The following MEIS1 variants were observed in gnomAD, a reference collection of about 807,000 sequenced individuals.
MEIS1 encodes Meis homeobox 1.
In MEIS1, 5 loss-of-function variants were observed where a neutral mutation model predicts 50.8. The ratio of observed to expected loss-of-function variants is 0.10; its 90% confidence interval spans 0.05 to 0.21. MEIS1 has a LOEUF of 0.21. MEIS1 is among the 10% of genes least tolerant of loss of function. The probability of loss-of-function intolerance (pLI) is 1.00; values close to 1 mark genes in which losing one functional copy is unlikely to be tolerated. For missense variants in MEIS1, 318 were observed against 517.3 expected (o/e 0.61, Z 3.74); for synonymous variants, 176 against 179.3 (o/e 0.98, Z 0.15).
At chr2:66,472,444 C>G (rs1258402549) in intron 7 of MEIS1, among the ~76,000 whole-genome samples, 1 of 152,164 alleles carries the variant, frequency 6.6e-6, no homozygotes, top group Non-Finnish European at 1.5e-5. Flanking sequence ...ATAGATTAAG[C>G]ACTTACTGTG....
At chr2:66,463,098 G>A (rs894051456) in intron 6 of MEIS1, among the ~76,000 whole-genome samples, 6 of 151,604 alleles carry the variant, frequency 4.0e-5, no homozygotes, top group African/African-American at 1.5e-4. Context: ...CTTTGATTTC[G>A]CTAGGCATAC....
chr2:66,560,764 A>G (rs1675193355), intron 9 of MEIS1, among the ~76,000 whole-genome samples: 1 of 152,182 alleles, frequency 6.6e-6, no homozygotes, highest in African/African-American at 2.4e-5. Context: ...AAATTTCAAT[A>G]TTATGTTTAT....
At chr2:66,531,141 T>C (rs770483488) in intron 8 of MEIS1, among the ~76,000 whole-genome samples, 1 of 152,170 alleles carries the variant, frequency 6.6e-6, no homozygotes, top group Non-Finnish European at 1.5e-5. Flanking sequence ...TTTTTAGCAA[T>C]GGGAAGGAGA....
intron 7 of MEIS1, among the ~76,000 whole-genome samples, chr2:66,468,807 A>G (rs1672700848): frequency 2.0e-5 from 3 of 152,232 alleles, no homozygotes; most frequent in Non-Finnish European, 4.4e-5. Flanking sequence ...TCAGAGGGGT[A>G]ATGTTCTGTT....
intron 8 of MEIS1, among the ~76,000 whole-genome samples, chr2:66,530,949 A>G (rs920344061): frequency 1.3e-5 from 2 of 152,372 alleles, no homozygotes; most frequent in African/African-American, 4.8e-5. Flanking sequence ...AAAACCATGC[A>G]AATGCAGCTG....
At position 66,573,819 on chromosome 2, in the gene MEIS1, TAAC is replaced by T. The variant is rs1443509183; in HGVS notation, c.*2615_*2617del. On this transcript the variant is annotated 3_prime_UTR_variant, in exon 13 of 13. Transcript: ENST00000272369. Reference sequence around the variant, plus strand: ...CTTTTGATAGGTGGTTGCTAGCAGTTAACAACCATTTATTTACTTTAACAATTA... The same window carrying T: ...CTTTTGATAGGTGGTTGCTAGCAGTTAACCATTTATTTACTTTAACAATTA... 1.3e-5 allele frequency: 2 copies of T among 152,214 alleles called. No homozygotes were observed. The highest frequency in any genetic ancestry group is 1.9e-4 in the East Asian group (1 of 5,194). 9.4% of individuals were successfully genotyped at this position (152,214 alleles called of 1,614,324 possible).
chr2:66,544,415 A>G (rs1324293944), intron 8 of MEIS1, among the ~76,000 whole-genome samples: 4 of 152,206 alleles, frequency 2.6e-5, no homozygotes, highest in South Asian at 4.1e-4. Context: ...GATTAACTAC[A>G]TGAAGTCACG....
chr2:66,557,259 C>T (rs1440564980), intron 9 of MEIS1, among the ~76,000 whole-genome samples: 1 of 152,136 alleles, frequency 6.6e-6, no homozygotes, highest in African/African-American at 2.4e-5. Context: ...CTAGAATGTA[C>T]TTATTTTTAA....
rs114894549 is a variant in MEIS1 at position 66,437,001 on chromosome 2, T to C, written c.13-736T>C. On this transcript the variant is annotated intron_variant, in intron 1 of 12. Transcript: ENST00000272369. ...TGGAAACAAAGTTCATAAGAGTAAA[T>C]AAGAAAATAGAATATTAGCTGCTTC... is the stretch of plus-strand genomic sequence containing the variant. The C allele has an allele frequency of 5.6e-4, 529 of 948,436 alleles. No homozygotes were observed. The African/African-American group carries it at 8.9e-3, about 16-fold the overall frequency. 58.8% of individuals were successfully genotyped at this position (948,436 alleles called of 1,614,324 possible). A position where few individuals can be genotyped will look rare whatever the true frequency, so the allele number is the denominator to read the frequency against.
At chr2:66,554,781 A>G (rs1204515083) in intron 9 of MEIS1, among the ~76,000 whole-genome samples, 1 of 152,218 alleles carries the variant, frequency 6.6e-6, no homozygotes, top group Non-Finnish European at 1.5e-5. Flanking sequence ...AGGAAAAAAA[A>G]TACTTTGATA....
At chr2:66,534,168 C>CAT (rs142456824) in intron 8 of MEIS1, among the ~76,000 whole-genome samples, 35,602 of 152,040 alleles carry the variant, frequency 0.23, 5,108 homozygotes, top group Non-Finnish European at 0.33. Context: ...TGATCAAAGT[C>CAT]ATAGTTACTG....
chr2:66,484,420 A>G (rs1003629972), intron 7 of MEIS1, among the ~76,000 whole-genome samples: 1 of 152,196 alleles, frequency 6.6e-6, no homozygotes, highest in African/African-American at 2.4e-5. Flanking sequence ...CTCATGACAT[A>G]GCAAAGTGCT....
At chr2:66,570,436 T>C (rs1675457021) in intron 12 of MEIS1, 1 of 152,216 alleles carries the variant, frequency 6.6e-6, no homozygotes, top group African/African-American at 2.4e-5. Flanking sequence ...AGTTCAAAAA[T>C]GTTCCTTTAG....
At chr2:66,487,092 C>T (rs1339026148) in intron 7 of MEIS1, among the ~76,000 whole-genome samples, 2 of 152,192 alleles carry the variant, frequency 1.3e-5, no homozygotes, top group Non-Finnish European at 2.9e-5. Context: ...TTATTTCTTT[C>T]TCTTGCCTGA....
intron 7 of MEIS1, among the ~76,000 whole-genome samples, chr2:66,503,301 A>G (rs1572860437): frequency 6.6e-6 from 1 of 152,250 alleles, no homozygotes; most frequent in South Asian, 2.1e-4. Flanking sequence ...CTCCAGCCTC[A>G]TCTTGTTTTG....
chr2:66,440,068 AACACACACAC>A (rs9309387), intron 3 of MEIS1, 84 bp downstream of exon 3: 1 of 777,638 alleles, frequency 1.3e-6, no homozygotes, highest in Non-Finnish European at 2.0e-6. Flanking sequence ...CGCGCGCGCG[AACACACACAC>A]ACACACACAC....
chr2:66,446,153 G>A (rs1672139218), intron 6 of MEIS1, among the ~76,000 whole-genome samples: 1 of 152,182 alleles, frequency 6.6e-6, no homozygotes. Flanking sequence ...TCGAGGCGAG[G>A]GTTGAGCCTG....
chr2:66,508,654 A>G (rs908867589), intron 7 of MEIS1, among the ~76,000 whole-genome samples: 5 of 152,190 alleles, frequency 3.3e-5, no homozygotes, highest in Non-Finnish European at 5.9e-5. Flanking sequence ...TGCCACACGG[A>G]CTTCATGACA....
At chr2:66,499,133 T>C (rs1319019063) in intron 7 of MEIS1, among the ~76,000 whole-genome samples, 1 of 152,240 alleles carries the variant, frequency 6.6e-6, no homozygotes, top group Non-Finnish European at 1.5e-5. Context: ...CAATCACTGA[T>C]GCATGCTAGT....
Sources: gnomAD v4.1 joint callset for allele counts (sites outside exome capture counted in the v4.1 genomes callset) on GRCh38, gnomAD v4.1.1 for gene constraint, MANE v1.5 for transcripts, NCBI Gene and HGNC (gene_info 2026-07-23, HGNC 2026-07-21) for gene names.